FHDC1: variants seen among roughly 807,000 people sequenced by gnomAD.
FHDC1 encodes FH2 domain-containing protein 1.
In FHDC1, 25 loss-of-function variants were observed where a neutral mutation model predicts 52.6. The observed-to-expected ratio is 0.48, with a 90% CI of 0.35 to 0.66. The LOEUF is 0.66. FHDC1 is among the 30% of genes least tolerant of loss of function. The pLI is 0.01. For synonymous variants in FHDC1, 616 were observed against 581.5 expected (o/e 1.06, Z -0.85); for missense variants, 1,459 against 1,452.8 (o/e 1.00, Z -0.07).
Position 152,963,115 on chromosome 4 carries a change from G to A in FHDC1, c.1014G>A (p.Leu338=). ...CAAACAAACCTGGGATGAATCTCCT[G>A]CACTTTGTTGCACAGGTATGTGGAA... ...TKANKPGMNL[L]HFVAQEAQKK... The change falls in exon 8 of 12, where the codon CTG becomes CTA. Residue 338 remains leucine (L), a synonymous_variant. Transcript: ENST00000511601. 1 of 1,613,886 alleles carries A rather than the reference G, an allele frequency of 6.2e-7. No homozygotes were observed. Among genetic ancestry groups the A allele is most frequent in the Non-Finnish European group, 8.5e-7 (1 of 1,179,950 alleles).
chr4:152,954,423 A>C lies in FHDC1; in HGVS notation c.663+104A>C, dbSNP rs934455789. The stretch of plus-strand genomic sequence containing the variant: ...CATGGAAGGCCAGGAGCAGTGGCTC[A>C]CACCTGTAATCCCAGCACTTTGGGA... On this transcript the variant is annotated intron_variant, in intron 4 of 11. Coordinates refer to ENST00000511601, the MANE Select transcript of FHDC1 (RefSeq NM_001371116.1). 2.0e-5 allele frequency: 17 copies of C among 858,514 alleles called. No individual in the cohort carries two copies. The African/African-American group carries it at 2.8e-4, about 14-fold the overall frequency. The allele number at this position is 858,514 out of a possible 1,614,324, so 53.2% of individuals were successfully genotyped here. A position where few individuals can be genotyped will look rare whatever the true frequency, so the allele number is the denominator to read the frequency against.
At position 152,976,693 on chromosome 4, in the gene FHDC1, G is replaced by T. The variant is rs1012733865; in HGVS notation, c.3402G>T (p.Leu1134=). Reference sequence around the variant, plus strand: ...GGAAGGACTCCAGTCGGACCACGCTGGGGAGAATCCTCAATCCCTTACGGA... The same window carrying T: ...GGAAGGACTCCAGTCGGACCACGCTTGGGAGAATCCTCAATCCCTTACGGA... ...LRRKDSSRTT[L]GRILNPLRK Residue 1134 remains leucine, a synonymous_variant, in exon 12 of 12, where the codon CTG becomes CTT. Transcript: ENST00000511601. 2 of 1,512,334 alleles carry T rather than the reference G, an allele frequency of 1.3e-6. No individual in the cohort carries two copies. Among genetic ancestry groups the T allele is most frequent in the Non-Finnish European group, 1.8e-6 (2 of 1,129,978 alleles). 93.7% of individuals were successfully genotyped at this position (1,512,334 alleles called of 1,614,324 possible).
At chr4:152,928,413 C>G in the FHDC1 span, among the ~76,000 whole-genome samples, 7 of 152,322 alleles carry the variant, frequency 4.6e-5, no homozygotes, top group African/African-American at 1.7e-4. Flanking sequence ...TACTCCAGTG[C>G]AGATGACCAA....
chr4:152,960,922 T>C, intron 6 of FHDC1, 78 bp downstream of exon 6: 2 of 1,068,304 alleles, frequency 1.9e-6, no homozygotes, highest in Admixed American at 5.5e-5. Flanking sequence ...CCAAATGAAA[T>C]TGGACATGGA....
Position 152,978,392 on chromosome 4 carries a change from T to C in FHDC1, c.*1669T>C, listed in dbSNP as rs1052004711. On this transcript the variant is annotated 3_prime_UTR_variant, in exon 12 of 12. Transcript: ENST00000511601. ...TTAATAATAGTTTTTAACGTGGACA[T>C]CTCTTCCTTGGTACAGTGGTTTTTA... 2 of 152,174 alleles carry C rather than the reference T, an allele frequency of 1.3e-5. No individual in the cohort carries two copies. Among genetic ancestry groups the C allele is most frequent in the African/African-American group, 4.8e-5 (2 of 41,422 alleles). 9.4% of individuals were successfully genotyped at this position (152,174 alleles called of 1,614,324 possible).
the FHDC1 span, among the ~76,000 whole-genome samples, chr4:152,916,671 T>C: frequency 5.9e-5 from 9 of 152,202 alleles, no homozygotes; most frequent in African/African-American, 1.9e-4. Context: ...TTTTTTTGTA[T>C]AGAGAGTGAC....
intron 2 of FHDC1, among the ~76,000 whole-genome samples, chr4:152,948,704 C>T (rs1739811445): frequency 6.6e-6 from 1 of 152,120 alleles, no homozygotes; most frequent in African/African-American, 2.4e-5. Context: ...GATTTGCCCA[C>T]CTCAGCCTCC....
upstream of FHDC1, among the ~76,000 whole-genome samples, chr4:152,931,948 A>C (rs1376870828): frequency 1.6e-5 from 1 of 61,332 alleles, no homozygotes; most frequent in Non-Finnish European, 4.5e-5. Flanking sequence ...AAAAAAAAAA[A>C]AAAAAAAAAA....
the FHDC1 span, among the ~76,000 whole-genome samples, chr4:152,926,303 C>CACACACACACAT: frequency 0.01 from 1,463 of 141,154 alleles, 13 homozygotes; most frequent in Non-Finnish European, 0.017. Context: ...CACACACACA[C>CACACACACACAT]AAACAATACA....
chr4:152,924,728 G>T, the FHDC1 span, among the ~76,000 whole-genome samples: 14 of 152,068 alleles, frequency 9.2e-5, no homozygotes, highest in African/African-American at 2.7e-4. Flanking sequence ...GATGAAATTG[G>T]AAATCATCAT....
At chr4:152,947,017 G>A (rs191986488) in intron 2 of FHDC1, among the ~76,000 whole-genome samples, 1 of 152,122 alleles carries the variant, frequency 6.6e-6, no homozygotes, top group Non-Finnish European at 1.5e-5. Flanking sequence ...TCAGGAGTTC[G>A]AGACCAGCCT....
the FHDC1 span, among the ~76,000 whole-genome samples, chr4:152,921,573 C>A: frequency 7.1e-6 from 1 of 140,352 alleles, no homozygotes; most frequent in Non-Finnish European, 1.6e-5. Context: ...TTCCTTCCTT[C>A]CTTCCTTCCT....
chr4:152,975,202 T>C lies in FHDC1; in HGVS notation c.1911T>C (p.Ala637=), dbSNP rs770896836. 1 of 1,613,142 alleles carries C rather than the reference T, an allele frequency of 6.2e-7. No homozygotes were observed. The highest frequency in any genetic ancestry group is 1.1e-5 in the South Asian group (1 of 91,068). ...PENHASAFPR[A]RRQGVSVLRK... Reference sequence around the variant, plus strand: ...ACCATGCCTCTGCCTTCCCCAGAGCTCGGCGCCAGGGCGTCAGTGTCCTCC... The same window carrying C: ...ACCATGCCTCTGCCTTCCCCAGAGCCCGGCGCCAGGGCGTCAGTGTCCTCC... Residue 637 remains alanine, a synonymous_variant, in exon 12 of 12, where the codon GCT becomes GCC. Transcript: ENST00000511601.
intron 11 of FHDC1, among the ~76,000 whole-genome samples, 174 bp from the exon 12 acceptor site, chr4:152,974,501 C>T (rs565826695): frequency 5.7e-4 from 86 of 151,910 alleles, no homozygotes; most frequent in Non-Finnish European, 9.9e-4. Flanking sequence ...CACACACATG[C>T]GTACACACAC....
At chr4:152,941,830 G>T (rs1739579493) in intron 1 of FHDC1, among the ~76,000 whole-genome samples, 2 of 152,110 alleles carry the variant, frequency 1.3e-5, no homozygotes, top group African/African-American at 4.8e-5. Context: ...CGTGTAAAAA[G>T]CCATTGTGTA....
chr4:152,974,897 A>ACCCGCCGCT lies in FHDC1; in HGVS notation c.1613_1621dup (p.Arg538_Arg540dup). On this transcript the variant is annotated inframe_insertion, in exon 12 of 12. Transcript: ENST00000511601. ...CAGCCCCTCCTACCGGCCCCCGAACACCCGCCGCTCCCGCCTCTCCCTGGG... is the reference window on the plus strand; with the variant it reads ...CAGCCCCTCCTACCGGCCCCCGAACACCCGCCGCTCCCGCCGCTCCCGCCTCTCCCTGGG... 1 of 1,556,452 alleles carries ACCCGCCGCT rather than the reference A, an allele frequency of 6.4e-7. No homozygotes were observed. Among genetic ancestry groups the ACCCGCCGCT allele is most frequent in the Non-Finnish European group, 8.6e-7 (1 of 1,156,296 alleles).
At chr4:152,930,056 C>T in the FHDC1 span, among the ~76,000 whole-genome samples, 1 of 152,188 alleles carries the variant, frequency 6.6e-6, no homozygotes, top group Admixed American at 6.5e-5. Flanking sequence ...CTCCCTGCCC[C>T]CAACTGTGTG....
intron 2 of FHDC1, among the ~76,000 whole-genome samples, chr4:152,943,844 G>T (rs1739650596): frequency 6.6e-6 from 1 of 151,430 alleles, no homozygotes; most frequent in African/African-American, 2.4e-5. Flanking sequence ...ATCTGCTGAA[G>T]GTTCCCCTGT....
chr4:152,913,736 T>G, the FHDC1 span, among the ~76,000 whole-genome samples: 2 of 152,204 alleles, frequency 1.3e-5, no homozygotes, highest in African/African-American at 4.8e-5. Flanking sequence ...TGCGGTGCAA[T>G]GGCGCGATCT....
Sources: allele counts gnomAD v4.1 joint callset (sites outside exome capture counted in the v4.1 genomes callset), GRCh38; gene constraint gnomAD v4.1.1; transcripts MANE v1.5; gene names NCBI Gene and HGNC (gene_info 2026-07-23, HGNC 2026-07-21).